The following COQ5 variants were observed in gnomAD, a reference collection of about 807,000 sequenced individuals.
The protein encoded by COQ5 is coenzyme Q5, methyltransferase.
In COQ5, 27 loss-of-function variants were observed where a neutral mutation model predicts 40.5. The observed-to-expected ratio is 0.67, with a 90% confidence interval of 0.49 to 0.92. The LOEUF is 0.92. COQ5 is among the 40% of genes least tolerant of loss of function. The probability of loss-of-function intolerance (pLI) is 0.00; values close to 1 mark genes in which losing one functional copy is unlikely to be tolerated. For missense variants in COQ5, 409 were observed against 406.4 expected, an observed-to-expected ratio of 1.01 and a Z score of -0.06; for synonymous variants, 141 against 150.0, an observed-to-expected ratio of 0.94 and a Z score of 0.44.
At chr12:120,509,466 G>A (rs1369270835) in intron 4 of COQ5, among the ~76,000 whole-genome samples, 1 of 152,142 alleles carries the variant, frequency 6.6e-6, no homozygotes, top group African/African-American at 2.4e-5. Flanking sequence ...AGTGTTTGAG[G>A]GCCCTTGTCT....
intron 2 of COQ5, among the ~76,000 whole-genome samples, chr12:120,517,749 G>T (rs924070951): frequency 1.3e-5 from 2 of 151,214 alleles, no homozygotes; most frequent in Non-Finnish European, 2.9e-5. Context: ...GACAAATCCA[G>T]TGCTTTGTAG....
chr12:120,509,653 T>C (rs1869037072), intron 4 of COQ5, among the ~76,000 whole-genome samples: 2 of 152,164 alleles, frequency 1.3e-5, no homozygotes, highest in Admixed American at 6.6e-5. Context: ...TTTTTCAATT[T>C]TGTGACTAGA....
chr12:120,520,492 A>AT (rs1310923305), intron 2 of COQ5, among the ~76,000 whole-genome samples: 1 of 151,796 alleles, frequency 6.6e-6, no homozygotes. Context: ...CAACCGACCA[A>AT]TTTTTGTATT....
chr12:120,516,646 A>G lies in COQ5; in HGVS notation c.495T>C (p.Ser165=). Residue 165 remains serine (S), a synonymous_variant, in exon 3 of 7, where the codon TCT becomes TCC. Coordinates refer to ENST00000288532, the MANE Select transcript of COQ5 (RefSeq NM_032314.4). ...TGTTGATGTCACACACCACGACACG[A>G]GACCCGCCCAAGGAATCTTCTTCAT... ...YQNEEDSLGG[S]RVVVCDINKE... 1 of 1,614,178 alleles carries G rather than the reference A, an allele frequency of 6.2e-7. No homozygotes were observed. The highest frequency in any genetic ancestry group is 8.5e-7 in the Non-Finnish European group (1 of 1,180,024).
intron 1 of COQ5, chr12:120,526,550 G>A: frequency 2.3e-6 from 1 of 443,318 alleles, no homozygotes. Flanking sequence ...AGGAGTTCTT[G>A]GAGGTATTTC....
At chr12:120,521,664 G>A (rs11065151) in intron 2 of COQ5, among the ~76,000 whole-genome samples, 37,629 of 132,458 alleles carry the variant, frequency 0.28, 5,721 homozygotes, top group East Asian at 0.51. Context: ...GGGAGACAGA[G>A]CAAGACTCCA....
chr12:120,503,960 A>C lies in COQ5; in HGVS notation c.882+10T>G, dbSNP rs777730088. The C allele has an allele frequency of 1.9e-6, 3 of 1,603,500 alleles. No individual in the cohort carries two copies. Among genetic ancestry groups the C allele is most frequent in the South Asian group, 1.1e-5 (1 of 90,906 alleles). ...TAGGGCCTTTGTTTAAAGCTATAGA[A>C]GTTTCATACCTGAGACGGAAACCTT... is the stretch of plus-strand genomic sequence containing the variant. On this transcript the variant is annotated intron_variant, in intron 6 of 6. Coordinates refer to ENST00000288532, the MANE Select transcript of COQ5 (RefSeq NM_032314.4).
rs185092488 is a variant in COQ5, at chr12:120,509,872, G to A, written c.681+145C>T. On this transcript the variant is annotated intron_variant, in intron 4 of 6. Transcript: ENST00000288532. ...AGGCAGATGTGGAAGGACTGCTTGA[G>A]CCCAGGAGTTTGAGACTAGCCTGGG... 56 of 691,040 alleles carry A rather than the reference G, an allele frequency of 8.1e-5. No homozygotes were observed. In the East Asian group the frequency reaches 1.6e-3, roughly 19 times the overall value. The allele number at this position is 691,040 out of a possible 1,614,324, so 42.8% of individuals were successfully genotyped here. A position where few individuals can be genotyped will look rare whatever the true frequency, so the allele number is the denominator to read the frequency against.
intron 2 of COQ5, among the ~76,000 whole-genome samples, chr12:120,521,064 G>GTT (rs35534303): frequency 4.2e-4 from 52 of 123,700 alleles, no homozygotes; most frequent in African/African-American, 6.6e-4. Flanking sequence ...GTAATCCTGC[G>GTT]TTTTTTTTTT....
intron 4 of COQ5, among the ~76,000 whole-genome samples, chr12:120,508,143 G>A (rs556220455): frequency 2.0e-5 from 3 of 151,882 alleles, no homozygotes; most frequent in South Asian, 2.1e-4. Context: ...CTACAGGTTC[G>A]TGCCGCCACG....
intron 2 of COQ5, among the ~76,000 whole-genome samples, chr12:120,517,238 G>C (rs985674665): frequency 3.3e-5 from 5 of 151,922 alleles, no homozygotes; most frequent in Non-Finnish European, 7.4e-5. Flanking sequence ...TGTTATCCCA[G>C]CTACTTGGGA....
intron 4 of COQ5, among the ~76,000 whole-genome samples, chr12:120,506,885 G>A (rs1868905573): frequency 6.6e-6 from 1 of 151,870 alleles, no homozygotes; most frequent in South Asian, 2.1e-4. Context: ...CCAGGCTGGA[G>A]GGCAGTGGCA....
chr12:120,519,421 A>G (rs1869538476), intron 2 of COQ5, among the ~76,000 whole-genome samples: 1 of 152,098 alleles, frequency 6.6e-6, no homozygotes, highest in African/African-American at 2.4e-5. Context: ...TCAGCCAGGC[A>G]TGATGATGGG....
rs1351733996 is a variant in COQ5, at chr12:120,510,055, T to C, written c.643A>G (p.Ile215Val). 2 of 1,613,938 alleles carry C rather than the reference T, an allele frequency of 1.2e-6. No individual in the cohort carries two copies. Among genetic ancestry groups the C allele is most frequent in the Non-Finnish European group, 1.7e-6 (2 of 1,179,980 alleles). The change falls in exon 4 of 7, where the codon ATT (isoleucine) becomes GTT (valine). Residue 215 changes from isoleucine (I) to valine (V), a missense_variant. By Grantham distance (29) the Ile-to-Val change is conservative. Coordinates refer to ENST00000288532, the MANE Select transcript of COQ5 (RefSeq NM_032314.4). ...FDDDKFDIYT[I>V]AFGIRNVTHI... The stretch of plus-strand genomic sequence containing the variant: ...GTGACATTCCGGATCCCAAAGGCAA[T>C]GGTGTAAATATCAAACTTGTCATCA...
intron 5 of COQ5, 136 bp from the exon 6 acceptor site, chr12:120,504,217 T>G: frequency 1.5e-6 from 1 of 685,228 alleles, no homozygotes; most frequent in Non-Finnish European, 2.6e-6. Context: ...CTGAATTAAG[T>G]GGGTCAGGTA....
intron 3 of COQ5, among the ~76,000 whole-genome samples, chr12:120,515,344 C>T (rs370363438): frequency 1.5e-4 from 23 of 152,240 alleles, no homozygotes; most frequent in Non-Finnish European, 2.2e-4. Flanking sequence ...TCACCCTCAG[C>T]GTTCCAAAGT....
In COQ5 at chr12:120,503,699, GC is replaced by G. The variant is rs1868736932; in HGVS notation, c.*84del. 1.1e-6 allele frequency: 1 copy of G among 942,740 alleles called. No individual in the cohort carries two copies. Among genetic ancestry groups the G allele is most frequent in the South Asian group, 1.3e-5 (1 of 74,858 alleles). 58.4% of individuals were successfully genotyped at this position (942,740 alleles called of 1,614,324 possible). A position where few individuals can be genotyped will look rare whatever the true frequency, so the allele number is the denominator to read the frequency against. ...ACGTATCCTTAAGAGGAGATGCTCT[GC>G]TGCTGTCTCATTTGCCAGATTATCC... On this transcript the variant is annotated 3_prime_UTR_variant, in exon 7 of 7. Coordinates refer to ENST00000288532, the MANE Select transcript of COQ5 (RefSeq NM_032314.4).
At chr12:120,518,401 C>A (rs1377538918) in intron 2 of COQ5, among the ~76,000 whole-genome samples, 9 of 148,184 alleles carry the variant, frequency 6.1e-5, no homozygotes, top group African/African-American at 2.2e-4. Flanking sequence ...TACACTCCAG[C>A]CTGGCGAAAG....
intron 4 of COQ5, chr12:120,509,748 T>C: frequency 2.4e-6 from 1 of 421,502 alleles, no homozygotes; most frequent in Non-Finnish European, 4.4e-6. Flanking sequence ...ATTATCTTTT[T>C]TAAGATTAAA....
Sources: allele counts gnomAD v4.1 joint callset (sites outside exome capture counted in the v4.1 genomes callset), GRCh38; gene constraint gnomAD v4.1.1; transcripts MANE v1.5; gene names NCBI Gene and HGNC (gene_info 2026-07-23, HGNC 2026-07-21).